Variants in MYO1D observed in about 807,000 individuals in gnomAD.
The protein encoded by MYO1D is unconventional myosin-Id.
MYO1D carries 83 observed loss-of-function variants against 122.0 expected under a neutral mutation model. That is an observed-to-expected ratio of 0.68 (90% CI 0.57 to 0.82). MYO1D has a LOEUF of 0.82. MYO1D is among the 40% of genes least tolerant of loss of function. MYO1D has a pLI of 0.00. For synonymous variants in MYO1D, 464 were observed against 446.9 expected (o/e 1.04, Z -0.48); for missense variants, 1,157 against 1,269.5 (o/e 0.91, Z 1.35).
At chr17:32,771,972 A>G (rs770095981) in intron 5 of MYO1D, among the ~76,000 whole-genome samples, 9 of 152,212 alleles carry the variant, frequency 5.9e-5, no homozygotes, top group Non-Finnish European at 1.0e-4. Context: ...GTTTACTTAA[A>G]AAGTCTAATT....
At chr17:32,842,886 C>CTT (rs34927176) in intron 1 of MYO1D, among the ~76,000 whole-genome samples, 3,974 of 104,406 alleles carry the variant, frequency 0.038, 161 homozygotes, top group Middle Eastern at 0.071. Context: ...CTATTTCTTT[C>CTT]TTTTTTTTTT....
In MYO1D at chr17:32,834,631, T is replaced by C. The variant is rs1208056846; in HGVS notation, c.95+42147A>G. Among the ~76,000 whole-genome samples the C allele has an allele frequency of 3.9e-5, 6 of 152,190 alleles. No individual in the cohort carries two copies. In the East Asian group the frequency reaches 1.2e-3, roughly 29 times the overall value. The stretch of plus-strand genomic sequence containing the variant: ...TTGAGAACTGCAGCATTCTCCAAAC[T>C]AGGATCTCACCACAGGCTCTCCTAC... On this transcript the variant is annotated intron_variant, in intron 1 of 21. Transcript: ENST00000318217.
Position 32,605,137 on chromosome 17 carries a change from A to T in MYO1D, c.2814T>A (p.His938Gln). ...CAACAAGTTCTCCAATTCGACTCTCATGGGTTGGCTGTTTGCTGAAGAGGC... is the reference window on the plus strand; with the variant it reads ...CAACAAGTTCTCCAATTCGACTCTCTTGGGTTGGCTGTTTGCTGAAGAGGC... ...IVCLFSKQPTHESRIGELVGV... is the reference protein window; with the variant it reads ...IVCLFSKQPTQESRIGELVGV... The change falls in exon 21 of 22, where the codon CAT becomes CAA. Residue 938 changes from histidine to glutamine, a missense_variant. By Grantham distance (24) the His-to-Gln change is conservative. Coordinates refer to ENST00000318217, the MANE Select transcript of MYO1D (RefSeq NM_015194.3). 6.2e-7 allele frequency: 1 copy of T among 1,608,464 alleles called. No homozygotes were observed. Among genetic ancestry groups the T allele is most frequent in the Non-Finnish European group, 8.5e-7 (1 of 1,175,550 alleles).
rs371353980 is a variant in MYO1D at position 32,876,885 on chromosome 17, G to T, written c.-13C>A. The T allele has an allele frequency of 6.8e-7, 1 of 1,469,242 alleles. No homozygotes were observed. The highest frequency in any genetic ancestry group is 9.1e-7 in the Non-Finnish European group (1 of 1,102,250). The allele number at this position is 1,469,242 out of a possible 1,614,324, so 91.0% of individuals were successfully genotyped here. A position where few individuals can be genotyped will look rare whatever the true frequency, so the allele number is the denominator to read the frequency against. On this transcript the variant is annotated 5_prime_UTR_variant, in exon 1 of 22. Coordinates refer to ENST00000318217, the MANE Select transcript of MYO1D (RefSeq NM_015194.3). ...CCTGCTCCGCCATGGCGCCAGCGCG[G>T]GGGCTCAGGTGGGCGCGCTCGGGCC... is the stretch of plus-strand genomic sequence containing the variant.
chr17:32,814,350 C>CA (rs1365937418), intron 1 of MYO1D, among the ~76,000 whole-genome samples: 2 of 152,120 alleles, frequency 1.3e-5, no homozygotes, highest in African/African-American at 4.8e-5. Flanking sequence ...CTCAAGAAAA[C>CA]AAAAACAAAA....
intron 20 of MYO1D, among the ~76,000 whole-genome samples, chr17:32,622,748 CA>C (rs1357946402): frequency 3.3e-5 from 5 of 152,134 alleles, no homozygotes; most frequent in African/African-American, 1.2e-4. Flanking sequence ...TGCAAGGGGG[CA>C]AAGAGCAGTT....
chr17:32,741,326 A>G (rs972681059), intron 13 of MYO1D, among the ~76,000 whole-genome samples: 3 of 151,932 alleles, frequency 2.0e-5, no homozygotes, highest in South Asian at 2.1e-4. Flanking sequence ...AGCATCAAAT[A>G]GTGTCCAGAG....
chr17:32,806,339 G>A (rs2160956), intron 1 of MYO1D, among the ~76,000 whole-genome samples: 62,181 of 152,026 alleles, frequency 0.41, 13,039 homozygotes, highest in East Asian at 0.53. Flanking sequence ...TTCAATTAGA[G>A]TTTAAATTTA....
intron 13 of MYO1D, among the ~76,000 whole-genome samples, chr17:32,743,948 ACTGT>A (rs2089801094): frequency 6.6e-6 from 1 of 152,004 alleles, no homozygotes; most frequent in Non-Finnish European, 1.5e-5. Flanking sequence ...CGCCTCCTTT[ACTGT>A]CTATTTCCAT....
intron 7 of MYO1D, among the ~76,000 whole-genome samples, chr17:32,765,396 G>A (rs1409035604): frequency 1.3e-5 from 2 of 152,028 alleles, no homozygotes; most frequent in African/African-American, 2.4e-5. Context: ...AAGGGTTTAT[G>A]AGCATTTGAT....
At chr17:32,666,333 A>C (rs1206344051) in intron 16 of MYO1D, among the ~76,000 whole-genome samples, 1 of 152,098 alleles carries the variant, frequency 6.6e-6, no homozygotes, top group African/African-American at 2.4e-5. Context: ...TCATTTACTT[A>C]CTTCTAAACT....
intron 16 of MYO1D, among the ~76,000 whole-genome samples, chr17:32,669,774 A>G (rs2088684701): frequency 6.6e-6 from 1 of 152,228 alleles, no homozygotes; most frequent in African/African-American, 2.4e-5. Context: ...TATGAAAGCT[A>G]TTGTGTATAA....
intron 11 of MYO1D, among the ~76,000 whole-genome samples, chr17:32,752,984 T>C (rs2089912408): frequency 6.6e-6 from 1 of 152,198 alleles, no homozygotes. Context: ...ACCATAACAT[T>C]ATTCACAATA....
chr17:32,788,014 G>C (rs182805915), intron 1 of MYO1D, among the ~76,000 whole-genome samples: 152 of 152,124 alleles, frequency 1.0e-3, no homozygotes, highest in African/African-American at 3.6e-3. Context: ...CATTTAGGTT[G>C]GTTTCATATT....
intron 16 of MYO1D, among the ~76,000 whole-genome samples, chr17:32,697,853 G>A (rs1425106359): frequency 6.6e-6 from 1 of 152,224 alleles, no homozygotes; most frequent in Non-Finnish European, 1.5e-5. Flanking sequence ...TTGTGAGCAT[G>A]ATGCACATCA....
At chr17:32,595,079 T>C (rs1203901442) in intron 21 of MYO1D, among the ~76,000 whole-genome samples, 1 of 152,148 alleles carries the variant, frequency 6.6e-6, no homozygotes, top group African/African-American at 2.4e-5. Flanking sequence ...ACATATTACA[T>C]TGCTTAGCCC....
At chr17:32,590,127 T>C (rs572490573) in intron 21 of MYO1D, among the ~76,000 whole-genome samples, 12 of 152,372 alleles carry the variant, frequency 7.9e-5, no homozygotes, top group East Asian at 3.8e-4. Context: ...CCATTACTTA[T>C]ATGATAAAGT....
chr17:32,761,240 G>A (rs1020137294), intron 8 of MYO1D, among the ~76,000 whole-genome samples: 9 of 151,924 alleles, frequency 5.9e-5, no homozygotes, highest in African/African-American at 1.7e-4. Context: ...CTTCCTTAAC[G>A]TCTCCTGCCA....
At chr17:32,819,734 C>T (rs141485680) in intron 1 of MYO1D, among the ~76,000 whole-genome samples, 3,158 of 152,216 alleles carry the variant, frequency 0.021, 100 homozygotes, top group African/African-American at 0.072. Flanking sequence ...ATAATGGCTA[C>T]CATTTATGAA....
Sources: allele counts gnomAD v4.1 joint callset (sites outside exome capture counted in the v4.1 genomes callset), GRCh38; gene constraint gnomAD v4.1.1; transcripts MANE v1.5; gene names NCBI Gene and HGNC (gene_info 2026-07-23, HGNC 2026-07-21).